Variants in STAG1 observed in about 807,000 individuals in gnomAD.
The protein encoded by STAG1 is cohesin subunit SA-1.
STAG1 carries 26 observed loss-of-function variants against 170.9 expected under a neutral mutation model. That is an observed-to-expected ratio of 0.15 (90% CI 0.11 to 0.21). The LOEUF is 0.21. Ranked by LOEUF, STAG1 falls within the 10% of genes least tolerant of loss-of-function variation. STAG1 has a pLI of 1.00. For synonymous variants in STAG1, 514 were observed against 497.7 expected (o/e 1.03, Z -0.44); for missense variants, 964 against 1,509.5 (o/e 0.64, Z 5.99).
At chr3:136,707,200 A>G (rs1205259874) in intron 1 of STAG1, among the ~76,000 whole-genome samples, 1 of 152,232 alleles carries the variant, frequency 6.6e-6, no homozygotes, top group Non-Finnish European at 1.5e-5. Context: ...GAAAAATTAT[A>G]TAAACTGGAC....
intron 28 of STAG1, among the ~76,000 whole-genome samples, chr3:136,351,627 C>A (rs1936437088): frequency 6.6e-6 from 1 of 152,120 alleles, no homozygotes; most frequent in Admixed American, 6.5e-5. Context: ...ACTGGCTGAA[C>A]TAACAGCTAT....
chr3:136,381,607 A>G (rs1401029759), intron 22 of STAG1, among the ~76,000 whole-genome samples: 2 of 152,180 alleles, frequency 1.3e-5, no homozygotes, highest in Non-Finnish European at 2.9e-5. Flanking sequence ...AAAAAGTATG[A>G]TTATAAAGAG....
At chr3:136,686,966 T>C (rs1439286045) in intron 1 of STAG1, among the ~76,000 whole-genome samples, 1 of 152,176 alleles carries the variant, frequency 6.6e-6, no homozygotes, top group Non-Finnish European at 1.5e-5. Flanking sequence ...CCACTGTTTA[T>C]AAGGGGCTAA....
chr3:136,657,906 G>C (rs571984670), intron 1 of STAG1, among the ~76,000 whole-genome samples: 1 of 152,296 alleles, frequency 6.6e-6, no homozygotes, highest in African/African-American at 2.4e-5. Flanking sequence ...TTTCCCTGTT[G>C]ACTTGTTGTA....
chr3:136,459,121 G>A (rs2089201379), intron 13 of STAG1, among the ~76,000 whole-genome samples: 1 of 151,886 alleles, frequency 6.6e-6, no homozygotes, highest in Non-Finnish European at 1.5e-5. Flanking sequence ...GGGAGGCTGA[G>A]GCAGGAGAAC....
intron 1 of STAG1, among the ~76,000 whole-genome samples, chr3:136,720,091 G>C (rs772182623): frequency 7.3e-5 from 11 of 150,994 alleles, no homozygotes; most frequent in Non-Finnish European, 1.6e-4. Flanking sequence ...TAGGAGAATC[G>C]CTTGAACTCG....
At chr3:136,528,405 T>C (rs7636806) in intron 6 of STAG1, among the ~76,000 whole-genome samples, 1 of 150,798 alleles carries the variant, frequency 6.6e-6, no homozygotes, top group East Asian at 1.9e-4. Flanking sequence ...TGTGCAGATA[T>C]CAATTAAGGA....
intron 1 of STAG1, among the ~76,000 whole-genome samples, chr3:136,711,593 G>T (rs1445816643): frequency 1.3e-5 from 2 of 151,936 alleles, no homozygotes; most frequent in Non-Finnish European, 2.9e-5. Flanking sequence ...TATTCTACAG[G>T]ATATTTAGAT....
At chr3:136,457,459 C>T (rs1052894025) in intron 13 of STAG1, among the ~76,000 whole-genome samples, 3 of 152,178 alleles carry the variant, frequency 2.0e-5, no homozygotes, top group Non-Finnish European at 4.4e-5. Flanking sequence ...CACATCCAAA[C>T]GTCCTCACCA....
chr3:136,526,083 G>A lies in STAG1; in HGVS notation c.472-4666C>T, dbSNP rs143752554. ...AGAATGTATATTCTGTTAATTTGGG[G>A]TGGAGAGTTCTGTAGATGTCTATTA... is the stretch of plus-strand genomic sequence containing the variant. On this transcript the variant is annotated intron_variant, in intron 6 of 33. Coordinates refer to ENST00000383202, the MANE Select transcript of STAG1 (RefSeq NM_005862.3). Among the ~76,000 whole-genome samples the A allele has an allele frequency of 3.3e-3, 498 of 152,316 alleles. 7 individuals are homozygous for A. In the East Asian group the frequency reaches 0.046, roughly 14 times the overall value.
chr3:136,543,430 C>T (rs1008639280), intron 5 of STAG1, among the ~76,000 whole-genome samples: 1 of 152,118 alleles, frequency 6.6e-6, no homozygotes, highest in Non-Finnish European at 1.5e-5. Flanking sequence ...TATCTGCTAT[C>T]ACAGGGCACA....
intron 15 of STAG1, among the ~76,000 whole-genome samples, chr3:136,437,715 T>A (rs2088499800): frequency 6.6e-6 from 1 of 152,198 alleles, no homozygotes; most frequent in Admixed American, 6.5e-5. Flanking sequence ...CTCTTGAACA[T>A]CCTCTTTACT....
chr3:136,501,655 T>C (rs1377045858), intron 8 of STAG1, among the ~76,000 whole-genome samples: 1 of 152,166 alleles, frequency 6.6e-6, no homozygotes, highest in East Asian at 1.9e-4. Context: ...TTATTTTGTT[T>C]AATTCGTTCA....
At chr3:136,604,512 T>A in intron 3 of STAG1, 39 bp from the exon 4 acceptor site, 1 of 1,532,110 alleles carries the variant, frequency 6.5e-7, no homozygotes, top group Admixed American at 2.1e-5. Context: ...TCGATTAGGT[T>A]TACTTTGCTT....
At chr3:136,645,239 C>A (rs147960049) in intron 1 of STAG1, among the ~76,000 whole-genome samples, 1 of 152,288 alleles carries the variant, frequency 6.6e-6, no homozygotes, top group East Asian at 1.9e-4. Context: ...TATCTCTGCA[C>A]CCCAAAAACA....
At chr3:136,492,972 T>C (rs2090150138) in intron 9 of STAG1, among the ~76,000 whole-genome samples, 1 of 152,016 alleles carries the variant, frequency 6.6e-6, no homozygotes, top group Non-Finnish European at 1.5e-5. Flanking sequence ...GAGCAGTGCT[T>C]TGTGGAAAAT....
At chr3:136,607,725 G>C (rs182567612) in intron 3 of STAG1, among the ~76,000 whole-genome samples, 1 of 152,282 alleles carries the variant, frequency 6.6e-6, no homozygotes, top group East Asian at 1.9e-4. Context: ...GTTTTACTTT[G>C]TTGTTCAAAT....
At chr3:136,654,101 T>C (rs1435832843) in intron 1 of STAG1, among the ~76,000 whole-genome samples, 2 of 152,338 alleles carry the variant, frequency 1.3e-5, no homozygotes, top group East Asian at 3.9e-4. Context: ...CTGCTTTTAC[T>C]ACTTCTATTT....
rs559268493 is a variant in STAG1, at chr3:136,736,975, T to TC, written c.-84+15219dup. On this transcript the variant is annotated intron_variant, in intron 1 of 33. Transcript: ENST00000383202. Reference sequence around the variant, plus strand: ...AAAAGCCTTTTGTGCTCTGTCAGCATCATCTTGATTTTTGTCAGGATGCAC... The same window carrying TC: ...AAAAGCCTTTTGTGCTCTGTCAGCATCCATCTTGATTTTTGTCAGGATGCAC... The TC allele has an allele frequency of 2.4e-4, 378 of 1,596,578 alleles. 1 individual carries two copies. In the African/African-American group the frequency reaches 4.4e-3, roughly 18 times the overall value.
Sources: gnomAD v4.1 joint callset for allele counts (sites outside exome capture counted in the v4.1 genomes callset) on GRCh38, gnomAD v4.1.1 for gene constraint, MANE v1.5 for transcripts, NCBI Gene and HGNC (gene_info 2026-07-23, HGNC 2026-07-21) for gene names.